The following ADGRL4 variants were observed in gnomAD, a reference collection of about 807,000 sequenced individuals.
The protein encoded by ADGRL4 is adhesion G protein-coupled receptor L4.
In ADGRL4, 90 loss-of-function variants were observed where a neutral mutation model predicts 74.8. The observed-to-expected ratio is 1.20, with a 90% CI of 1.02 to 1.43. The LOEUF is 1.43. ADGRL4 is among the 40% of genes most tolerant of loss of function. The pLI, the probability that ADGRL4 is intolerant of heterozygous loss-of-function variation, is 0.00. For synonymous variants in ADGRL4, 311 were observed against 279.2 expected, an observed-to-expected ratio of 1.11 and a Z score of -1.14; for missense variants, 881 against 814.3, an observed-to-expected ratio of 1.08 and a Z score of -1.00.
At chr1:78,953,927 C>T (rs1351674374) in intron 2 of ADGRL4, among the ~76,000 whole-genome samples, 1 of 152,178 alleles carries the variant, frequency 6.6e-6, no homozygotes, top group Non-Finnish European at 1.5e-5. Flanking sequence ...GAAAGGCAAT[C>T]ATCTGAGGTC....
At chr1:78,929,464 C>T (rs1401961573) in intron 7 of ADGRL4, among the ~76,000 whole-genome samples, 1 of 151,344 alleles carries the variant, frequency 6.6e-6, no homozygotes, top group Non-Finnish European at 1.5e-5. Flanking sequence ...TGCAGTGAGC[C>T]ATGATCATGT....
chr1:78,959,864 T>A (rs2100707069), intron 2 of ADGRL4, among the ~76,000 whole-genome samples: 1 of 152,330 alleles, frequency 6.6e-6, no homozygotes, highest in South Asian at 2.1e-4. Context: ...ACCTTCTTGA[T>A]AGATATTAAG....
intron 13 of ADGRL4, among the ~76,000 whole-genome samples, chr1:78,892,474 C>T (rs1219832796): frequency 6.6e-6 from 1 of 151,968 alleles, no homozygotes; most frequent in Non-Finnish European, 1.5e-5. Context: ...TAGCAGTGTA[C>T]CTCAGAAAAT....
intron 2 of ADGRL4, among the ~76,000 whole-genome samples, chr1:78,977,106 A>G (rs1389117586): frequency 1.3e-5 from 2 of 151,714 alleles, no homozygotes; most frequent in Non-Finnish European, 3.0e-5. Context: ...CATAAAAGTT[A>G]AATTATGCTT....
At chr1:78,956,369 A>G (rs1270154620) in intron 2 of ADGRL4, among the ~76,000 whole-genome samples, 1 of 152,162 alleles carries the variant, frequency 6.6e-6, no homozygotes, top group Non-Finnish European at 1.5e-5. Flanking sequence ...TGCACATTTT[A>G]TTAGTCGTTC....
chr1:78,891,100 A>T lies in ADGRL4; in HGVS notation c.*54T>A, dbSNP rs1011979331. The T allele has an allele frequency of 5.8e-6, 9 of 1,557,332 alleles. No homozygotes were observed. The highest frequency in any genetic ancestry group is 8.0e-6 in the Non-Finnish European group (9 of 1,129,496). On this transcript the variant is annotated 3_prime_UTR_variant, in exon 15 of 15. Coordinates refer to ENST00000370742, the MANE Select transcript of ADGRL4 (RefSeq NM_022159.4). The stretch of plus-strand genomic sequence containing the variant: ...AGTCATTTTTATACATTGGTCATCC[A>T]CAGCTTGGAATTTTTATTTTTGTGC...
At chr1:78,904,048 T>G (rs1282631356) in intron 12 of ADGRL4, among the ~76,000 whole-genome samples, 1 of 151,600 alleles carries the variant, frequency 6.6e-6, no homozygotes, top group Non-Finnish European at 1.5e-5. Context: ...AAATAATACA[T>G]GGAACATAAT....
intron 2 of ADGRL4, among the ~76,000 whole-genome samples, chr1:78,952,214 C>T (rs1326044890): frequency 6.6e-6 from 1 of 151,918 alleles, no homozygotes; most frequent in Non-Finnish European, 1.5e-5. Context: ...CATTTTCCCT[C>T]TGGACGTGAT....
chr1:78,949,058 G>T (rs1263463803), intron 2 of ADGRL4, among the ~76,000 whole-genome samples: 1 of 152,038 alleles, frequency 6.6e-6, no homozygotes, highest in East Asian at 1.9e-4. Context: ...AACTTTAAAA[G>T]AAATTGGCTC....
At position 78,920,241 on chromosome 1, in the gene ADGRL4, C is replaced by G; in HGVS notation, c.1403G>C (p.Cys468Ser). The G allele has an allele frequency of 1.2e-6, 2 of 1,612,002 alleles. No homozygotes were observed. The highest frequency in any genetic ancestry group is 1.7e-6 in the Non-Finnish European group (2 of 1,178,816). Residue 468 changes from cysteine to serine, a missense_variant, in exon 10 of 15, where the codon TGT becomes TCT. Transcript: ENST00000370742. Reference sequence around the variant, plus strand: ...AACAAGTTCAGCAAGAAATAGGCTACAGCAAAGATTTTTGTGAATTGTTGT... The same window carrying G: ...AACAAGTTCAGCAAGAAATAGGCTAGAGCAAAGATTTTTGTGAATTGTTGT... The part of the protein sequence containing the change: ...TRTTIHKNLC[C>S]SLFLAELVFL...
chr1:78,929,655 T>G (rs984326424), intron 7 of ADGRL4, among the ~76,000 whole-genome samples: 1 of 151,634 alleles, frequency 6.6e-6, no homozygotes, highest in African/African-American at 2.4e-5. Flanking sequence ...CAGACATCAT[T>G]GAGAGGGTTT....
At chr1:78,936,449 C>A in intron 6 of ADGRL4, 38 bp from the exon 7 acceptor site, 1 of 1,496,414 alleles carries the variant, frequency 6.7e-7, no homozygotes, top group African/African-American at 1.4e-5. Flanking sequence ...AGTGAAATTA[C>A]TTTAATCAAT....
At chr1:78,968,706 C>T (rs1474944271) in intron 2 of ADGRL4, among the ~76,000 whole-genome samples, 1 of 152,128 alleles carries the variant, frequency 6.6e-6, no homozygotes, top group Non-Finnish European at 1.5e-5. Context: ...GGGAAAATAT[C>T]TGTGTCAGTG....
chr1:78,991,970 A>C (rs1230215818), intron 2 of ADGRL4, among the ~76,000 whole-genome samples: 1 of 152,036 alleles, frequency 6.6e-6, no homozygotes, highest in African/African-American at 2.4e-5. Flanking sequence ...AGCCAAAAAC[A>C]CTCATACAGT....
Position 78,926,949 on chromosome 1 carries a change from C to T in ADGRL4, c.1020G>A (p.Met340Ile). 1 of 1,612,114 alleles carries T rather than the reference C, an allele frequency of 6.2e-7. No individual in the cohort carries two copies. The highest frequency in any genetic ancestry group is 8.5e-7 in the Non-Finnish European group (1 of 1,178,844). Residue 340 changes from methionine to isoleucine, a missense_variant, in exon 8 of 15, where the codon ATG (methionine) becomes ATA (isoleucine). Transcript: ENST00000370742. ...CATATAATGTGGGTGGGTTTGAGCTCATTGAGACTGAAATTACTGAAGATA... is the reference window on the plus strand; with the variant it reads ...CATATAATGTGGGTGGGTTTGAGCTTATTGAGACTGAAATTACTGAAGATA... Reference protein sequence around the residue: ...RVISSVISVSMSSNPPTLYEL... With the variant: ...RVISSVISVSISSNPPTLYEL...
At chr1:78,935,464 A>G (rs1649332634) in intron 7 of ADGRL4, among the ~76,000 whole-genome samples, 1 of 151,770 alleles carries the variant, frequency 6.6e-6, no homozygotes, top group Non-Finnish European at 1.5e-5. Flanking sequence ...GCAAACCACC[A>G]TGGCTCACGT....
At chr1:78,993,129 G>T (rs1050633437) in intron 2 of ADGRL4, among the ~76,000 whole-genome samples, 1 of 151,944 alleles carries the variant, frequency 6.6e-6, no homozygotes, top group Non-Finnish European at 1.5e-5. Context: ...AGCATTTTTT[G>T]AGGATGTACA....
At chr1:78,935,236 G>T (rs1373852792) in intron 7 of ADGRL4, among the ~76,000 whole-genome samples, 1 of 152,154 alleles carries the variant, frequency 6.6e-6, no homozygotes, top group Non-Finnish European at 1.5e-5. Flanking sequence ...AAAAAGGAAA[G>T]AGATCATGTC....
intron 12 of ADGRL4, among the ~76,000 whole-genome samples, chr1:78,911,604 T>C (rs1648763831): frequency 2.2e-5 from 1 of 45,956 alleles, no homozygotes; most frequent in Admixed American, 3.2e-4. Context: ...ATTTTAAAAA[T>C]CAAGATCTAA....
Sources: gnomAD v4.1 joint callset for allele counts (sites outside exome capture counted in the v4.1 genomes callset) on GRCh38, gnomAD v4.1.1 for gene constraint, MANE v1.5 for transcripts, NCBI Gene and HGNC (gene_info 2026-07-23, HGNC 2026-07-21) for gene names.